Variants in RIF1 observed in about 807,000 individuals in gnomAD.
RIF1 encodes replication timing regulatory factor 1.
RIF1 carries 45 observed loss-of-function variants against 247.1 expected under a neutral mutation model. The observed-to-expected ratio is 0.18, with a 90% CI of 0.14 to 0.23. RIF1 has a LOEUF of 0.23. Ranked by LOEUF, RIF1 falls within the 10% of genes least tolerant of loss-of-function variation. RIF1 has a pLI of 1.00. For synonymous variants in RIF1, 1,087 were observed against 978.8 expected (o/e 1.11, Z -2.06); for missense variants, 2,967 against 2,862.5 (o/e 1.04, Z -0.83).
At chr2:151,438,776 T>A (rs1157099745) in intron 14 of RIF1, 30 bp downstream of exon 14, 2 of 1,453,620 alleles carry the variant, frequency 1.4e-6, no homozygotes, top group Non-Finnish European at 1.9e-6. Flanking sequence ...TCAAATGTTG[T>A]TTTTTGAAAC....
At chr2:151,416,029 A>G (rs1240754190) in intron 4 of RIF1, among the ~76,000 whole-genome samples, 1 of 152,260 alleles carries the variant, frequency 6.6e-6, no homozygotes, top group African/African-American at 2.4e-5. Context: ...ATGAAAGCAC[A>G]GAACCTAATG....
chr2:151,489,168 C>A (rs1444605029), intron 9 of RIF1, among the ~76,000 whole-genome samples: 3 of 152,062 alleles, frequency 2.0e-5, no homozygotes, highest in African/African-American at 7.2e-5. Flanking sequence ...CTTATTTAGA[C>A]CTTCTTGTAT....
rs967938602 is a variant in RIF1, at chr2:151,498,491, CTGTT to C, written c.*514-847_*514-844del. 1.3e-4 allele frequency: 81 copies of C among 620,838 alleles called. 1 individual carries two copies. Among genetic ancestry groups the C allele is most frequent in the Admixed American group, 9.3e-4 (31 of 33,470 alleles). The allele number at this position is 620,838 out of a possible 1,614,324, so 38.5% of individuals were successfully genotyped here. On this transcript the variant is annotated intron_variant and NMD_transcript_variant, in intron 10 of 13. Coordinates refer to the RIF1 transcript ENST00000454583. ...AATACCAGAAGCTTTTAGACTCAACCTGTTTGTTTGAGCCTAAAGACATCTTCAA... is the reference window on the plus strand; with the variant it reads ...AATACCAGAAGCTTTTAGACTCAACCTGTTTGAGCCTAAAGACATCTTCAA...
chr2:151,413,253 G>A (rs1305594621), intron 3 of RIF1, among the ~76,000 whole-genome samples: 22 of 151,880 alleles, frequency 1.4e-4, no homozygotes, highest in Admixed American at 1.3e-3. Context: ...GGCTGGTCTC[G>A]AACTGCCGAC....
intron 20 of RIF1, 94 bp downstream of exon 20, chr2:151,446,669 T>C (rs1693323954): frequency 8.3e-7 from 1 of 1,202,500 alleles, no homozygotes; most frequent in Non-Finnish European, 1.2e-6. Flanking sequence ...CACCTATTAC[T>C]GCCTCTATTT....
At chr2:151,446,699 C>A in intron 20 of RIF1, 124 bp downstream of exon 20, 1 of 966,856 alleles carries the variant, frequency 1.0e-6, no homozygotes, top group Non-Finnish European at 1.6e-6. Context: ...AAAGTTGATA[C>A]TGCAAACAAG....
chr2:151,531,666 C>T, the RIF1 span: 74 of 736,574 alleles, frequency 1.0e-4, no homozygotes, highest in Admixed American at 2.5e-4. Flanking sequence ...CAGGACATCT[C>T]GCACCCCTGC....
intron 9 of RIF1, chr2:151,491,515 A>G (rs1248760402): frequency 5.3e-6 from 3 of 570,290 alleles, no homozygotes; most frequent in East Asian, 3.1e-5. Context: ...GAACTTATCT[A>G]GAAAGTAAGT....
intron 8 of RIF1, chr2:151,423,629 C>T (rs1040834336): frequency 1.3e-5 from 2 of 152,290 alleles, no homozygotes; most frequent in African/African-American, 2.4e-5. Flanking sequence ...AGTGTTGTGT[C>T]CAGAGAACCT....
chr2:151,497,393 T>A lies in RIF1; in HGVS notation c.*514-1952T>A, dbSNP rs969016551. On this transcript the variant is annotated intron_variant and NMD_transcript_variant, in intron 10 of 13. Coordinates refer to the RIF1 transcript ENST00000454583. ...ACACAAACTGAAAAACTCATTATTT[T>A]AAAAAAAAGATTGAAAATACCAGAT... The A allele has an allele frequency of 1.1e-4, 110 of 978,640 alleles. 1 individual carries two copies. The highest frequency in any genetic ancestry group is 1.1e-3 in the Middle Eastern group (2 of 1,904). 60.6% of individuals were successfully genotyped at this position (978,640 alleles called of 1,614,324 possible). A position where few individuals can be genotyped will look rare whatever the true frequency, so the allele number is the denominator to read the frequency against.
intron 15 of RIF1, among the ~76,000 whole-genome samples, chr2:151,441,034 C>G (rs1164223943): frequency 1.3e-5 from 2 of 152,064 alleles, no homozygotes; most frequent in East Asian, 3.9e-4. Context: ...CATCTGTAAT[C>G]CCAGCACTTT....
At chr2:151,487,835 T>A (rs1294568836) in intron 9 of RIF1, among the ~76,000 whole-genome samples, 2 of 152,152 alleles carry the variant, frequency 1.3e-5, no homozygotes, top group African/African-American at 4.8e-5. Flanking sequence ...TAGGCTGGTC[T>A]TAAACTCCTG....
intron 4 of RIF1, among the ~76,000 whole-genome samples, chr2:151,416,043 T>C (rs1008266638): frequency 2.0e-5 from 3 of 152,238 alleles, no homozygotes; most frequent in Admixed American, 6.5e-5. Context: ...CCTAATGCTT[T>C]CCAAGTTTTC....
the RIF1 span, among the ~76,000 whole-genome samples, chr2:151,522,941 A>T: frequency 2.3e-4 from 35 of 152,352 alleles, no homozygotes; most frequent in South Asian, 1.7e-3. Flanking sequence ...TCCGGAGACC[A>T]GCCTTTCACA....
chr2:151,493,850 G>T (rs1195103555), intron 9 of RIF1: 1 of 1,569,114 alleles, frequency 6.4e-7, no homozygotes, highest in Admixed American at 1.9e-5. Context: ...CTTTCCCCAG[G>T]TTCTCTTTGT....
intron 10 of RIF1, 63 bp downstream of exon 10, chr2:151,433,291 C>T (rs1690510114): frequency 6.2e-6 from 8 of 1,298,226 alleles, no homozygotes; most frequent in South Asian, 1.3e-5. Context: ...TAAATTCTTA[C>T]CAATGTAATC....
intron 14 of RIF1, among the ~76,000 whole-genome samples, chr2:151,439,396 G>A (rs1209669351): frequency 6.6e-6 from 1 of 152,148 alleles, no homozygotes; most frequent in Non-Finnish European, 1.5e-5. Context: ...CGGGCGCGGT[G>A]GCTCATGCCT....
At position 151,438,701 on chromosome 2, in the gene RIF1, A is replaced by G. The variant is rs768059676; in HGVS notation, c.1501A>G (p.Ile501Val). 1.2e-6 allele frequency: 2 copies of G among 1,612,450 alleles called. No homozygotes were observed. The highest frequency in any genetic ancestry group is 4.5e-5 in the East Asian group (2 of 44,838). ...KDAPDVVVSAIWKELISLVKS... is the reference protein window; with the variant it reads ...KDAPDVVVSAVWKELISLVKS... ...TTTGACAGATGTGGTTGTCAGTGCT[A>G]TCTGGAAGGAGCTAATTAGCTTGGT... The change falls in exon 14 of 36, where the codon ATC becomes GTC. Residue 501 changes from isoleucine to valine, a missense_variant. By Grantham distance (29) the Ile-to-Val change is conservative. Coordinates refer to ENST00000444746, the MANE Select transcript of RIF1 (RefSeq NM_018151.5).
At position 151,420,523 on chromosome 2, in the gene RIF1, G is replaced by A. The variant is rs551913540; in HGVS notation, c.693+144G>A. Reference sequence around the variant, plus strand: ...GGCTGAGGTGGGAGGATTGCTTGAGGCCAGGAGTTCCAGACCCATCTGGGC... The same window carrying A: ...GGCTGAGGTGGGAGGATTGCTTGAGACCAGGAGTTCCAGACCCATCTGGGC... On this transcript the variant is annotated intron_variant, in intron 7 of 35. Coordinates refer to ENST00000444746, the MANE Select transcript of RIF1 (RefSeq NM_018151.5). The A allele has an allele frequency of 8.4e-5, 60 of 718,418 alleles. No individual in the cohort carries two copies. In the South Asian group the frequency reaches 1.1e-3, roughly 13 times the overall value. The allele number at this position is 718,418 out of a possible 1,614,324, so 44.5% of individuals were successfully genotyped here. A position where few individuals can be genotyped will look rare whatever the true frequency, so the allele number is the denominator to read the frequency against.
Sources: gnomAD v4.1 joint callset for allele counts (sites outside exome capture counted in the v4.1 genomes callset) on GRCh38, gnomAD v4.1.1 for gene constraint, MANE v1.5 for transcripts, NCBI Gene and HGNC (gene_info 2026-07-23, HGNC 2026-07-21) for gene names.